PDLIM5: variants seen among roughly 807,000 people sequenced by gnomAD.
PDLIM5 encodes PDZ and LIM domain protein 5.
PDLIM5 carries 34 observed loss-of-function variants against 64.2 expected under a neutral mutation model. That is an observed-to-expected ratio of 0.53 (90% CI 0.40 to 0.71). The LOEUF (loss-of-function observed/expected upper bound fraction) is 0.71, where lower values mean the gene tolerates loss of function less well. PDLIM5 is among the 30% of genes least tolerant of loss of function. PDLIM5 has a pLI of 0.00. For missense variants in PDLIM5, 683 were observed against 733.6 expected (o/e 0.93, Z 0.80); for synonymous variants, 253 against 269.1 (o/e 0.94, Z 0.59).
Position 94,587,947 on chromosome 4 carries a change from A to AACT in PDLIM5, c.920+1507_920+1509dup, listed in dbSNP as rs1400099236. ...GAGAAATATTTTACTTAGTGACGTAAACTACTGTGCACTGCTGCTATTCCT... is the reference window on the plus strand; with the variant it reads ...GAGAAATATTTTACTTAGTGACGTAAACTACTACTGTGCACTGCTGCTATTCCT... On this transcript the variant is annotated intron_variant, in intron 7 of 12. Transcript: ENST00000317968. 2.7e-5 allele frequency: 26 copies of AACT among 980,318 alleles called. No individual in the cohort carries two copies. The East Asian group carries it at 2.2e-3, about 81-fold the overall frequency. The allele number at this position is 980,318 out of a possible 1,614,324, so 60.7% of individuals were successfully genotyped here. A position where few individuals can be genotyped will look rare whatever the true frequency, so the allele number is the denominator to read the frequency against.
chr4:94,545,010 T>A (rs1470759258), intron 3 of PDLIM5, among the ~76,000 whole-genome samples: 1 of 152,234 alleles, frequency 6.6e-6, no homozygotes, highest in Non-Finnish European at 1.5e-5. Flanking sequence ...ATCAGAAATA[T>A]CAGAGTTCAA....
chr4:94,503,943 A>G (rs567477291), intron 2 of PDLIM5, among the ~76,000 whole-genome samples: 11 of 152,286 alleles, frequency 7.2e-5, no homozygotes, highest in African/African-American at 2.4e-4. Flanking sequence ...TTTTATTCCC[A>G]TTTGGAGTCA....
chr4:94,618,723 G>C (rs1025062866), intron 8 of PDLIM5, among the ~76,000 whole-genome samples: 1 of 152,144 alleles, frequency 6.6e-6, no homozygotes, highest in African/African-American at 2.4e-5. Flanking sequence ...AGTTCTCATT[G>C]ACTTCTACAG....
chr4:94,531,587 T>C (rs1730873045), intron 3 of PDLIM5, among the ~76,000 whole-genome samples: 1 of 152,168 alleles, frequency 6.6e-6, no homozygotes, highest in Non-Finnish European at 1.5e-5. Flanking sequence ...TGGGCTGCAT[T>C]CAAAGCCATC....
intron 3 of PDLIM5, among the ~76,000 whole-genome samples, chr4:94,526,367 A>G (rs1359460089): frequency 6.6e-6 from 1 of 152,238 alleles, no homozygotes; most frequent in Non-Finnish European, 1.5e-5. Context: ...TACAAAATTG[A>G]CTTGTTATAA....
chr4:94,663,209 A>C (rs1162035812), intron 12 of PDLIM5, among the ~76,000 whole-genome samples: 3 of 152,192 alleles, frequency 2.0e-5, no homozygotes, highest in Non-Finnish European at 4.4e-5. Context: ...TTCAATACTC[A>C]TTGTACAAAG....
chr4:94,602,340 C>T (rs1722957500), intron 7 of PDLIM5, among the ~76,000 whole-genome samples: 2 of 152,058 alleles, frequency 1.3e-5, no homozygotes, highest in African/African-American at 4.8e-5. Context: ...TTAAGGTTCG[C>T]CTTTGTGACA....
At chr4:94,534,365 C>T (rs943870526) in intron 3 of PDLIM5, among the ~76,000 whole-genome samples, 2 of 152,122 alleles carry the variant, frequency 1.3e-5, no homozygotes, top group African/African-American at 4.8e-5. Flanking sequence ...CTCAGGACTA[C>T]CATTTATTAC....
chr4:94,600,952 A>C (rs1157628706), intron 7 of PDLIM5, among the ~76,000 whole-genome samples: 1 of 152,246 alleles, frequency 6.6e-6, no homozygotes, highest in Admixed American at 6.5e-5. Flanking sequence ...TTAAGTATTG[A>C]ACACTTAATA....
intron 2 of PDLIM5, among the ~76,000 whole-genome samples, chr4:94,510,045 A>AATG (rs1728734354): frequency 6.6e-6 from 1 of 152,234 alleles, no homozygotes; most frequent in Non-Finnish European, 1.5e-5. Context: ...TCTGGCACTT[A>AATG]TGTAATCACT....
At chr4:94,615,343 TAA>T (rs1578475299) in intron 7 of PDLIM5, among the ~76,000 whole-genome samples, 1 of 152,162 alleles carries the variant, frequency 6.6e-6, no homozygotes, top group Non-Finnish European at 1.5e-5. Context: ...TGTCCTGAAT[TAA>T]AAAGAGTGTC....
intron 8 of PDLIM5, among the ~76,000 whole-genome samples, chr4:94,623,017 G>A (rs921441980): frequency 1.3e-5 from 2 of 152,058 alleles, no homozygotes; most frequent in Admixed American, 6.6e-5. Flanking sequence ...TTCTCCTATA[G>A]CATTCTTGTG....
chr4:94,624,817 G>T (rs1739536615), intron 8 of PDLIM5, among the ~76,000 whole-genome samples: 1 of 152,172 alleles, frequency 6.6e-6, no homozygotes, highest in South Asian at 2.1e-4. Flanking sequence ...CTGCATTAAT[G>T]GGGGTTTTGA....
Position 94,653,546 on chromosome 4 carries a change from G to GA in PDLIM5, c.1284-907dup, listed in dbSNP as rs1250221505. 1.3e-3 allele frequency among the ~76,000 whole-genome samples: 177 copies of GA among 134,680 alleles called. 1 individual carries two copies. The highest frequency in any genetic ancestry group is 4.2e-3 in the African/African-American group (165 of 38,974). The allele number at this position is 134,680 out of a possible 152,430, so 88.4% of individuals were successfully genotyped here. A position where few individuals can be genotyped will look rare whatever the true frequency, so the allele number is the denominator to read the frequency against. ...TCATGACCATAAAGTATTTAATGGG[G>GA]AAAAAAATCTCTTACAAACATTTGT... is the stretch of plus-strand genomic sequence containing the variant. On this transcript the variant is annotated intron_variant, in intron 9 of 12. Transcript: ENST00000317968.
chr4:94,628,578 G>A (rs59467105), intron 8 of PDLIM5, among the ~76,000 whole-genome samples: 2,191 of 148,938 alleles, frequency 0.015, 50 homozygotes, highest in African/African-American at 0.051. Context: ...CTCTATTTAT[G>A]TGGTCAACTT....
chr4:94,592,933 A>T (rs986607256), intron 7 of PDLIM5, among the ~76,000 whole-genome samples: 1 of 151,918 alleles, frequency 6.6e-6, no homozygotes, highest in Non-Finnish European at 1.5e-5. Context: ...ATTCCTTCCC[A>T]CAATCATACA....
At chr4:94,485,601 A>G (rs182134260) in intron 2 of PDLIM5, among the ~76,000 whole-genome samples, 248 of 152,132 alleles carry the variant, frequency 1.6e-3, no homozygotes, top group Non-Finnish European at 2.4e-3. Flanking sequence ...TGGGAGGCCA[A>G]GGCAGGCGGA....
intron 2 of PDLIM5, among the ~76,000 whole-genome samples, chr4:94,475,493 A>C (rs1237716093): frequency 6.6e-6 from 1 of 152,222 alleles, no homozygotes; most frequent in Non-Finnish European, 1.5e-5. Context: ...CCTAGAAATG[A>C]TGATGAGTAT....
rs753012342 is a variant in PDLIM5 at position 94,640,464 on chromosome 4, TG to T, written c.1283+15del. 6.5e-7 allele frequency: 1 copy of T among 1,537,750 alleles called. No individual in the cohort carries two copies. Among genetic ancestry groups the T allele is most frequent in the Non-Finnish European group, 8.8e-7 (1 of 1,140,386 alleles). ...CCAGGTCATCAGGTTGGTTGTTTTT[TG>T]AAATTTTCTTGAAAGTACTTAATAT... is the stretch of plus-strand genomic sequence containing the variant. On this transcript the variant is annotated intron_variant, in intron 9 of 12. Transcript: ENST00000317968.
Sources: allele counts gnomAD v4.1 joint callset (sites outside exome capture counted in the v4.1 genomes callset), GRCh38; gene constraint gnomAD v4.1.1; transcripts MANE v1.5; gene names NCBI Gene and HGNC (gene_info 2026-07-23, HGNC 2026-07-21).